The following METTL25 variants were observed in gnomAD, a reference collection of about 807,000 sequenced individuals.
The protein encoded by METTL25 is methyltransferase like 25.
METTL25 carries 64 observed loss-of-function variants against 71.6 expected under a neutral mutation model. That is an observed-to-expected ratio of 0.89 (90% confidence interval 0.73 to 1.10). METTL25 has a LOEUF of 1.10. Among genes scored for constraint, METTL25 ranks in the 50% least tolerant of loss-of-function variants. The pLI is 0.00. For missense variants in METTL25, 807 were observed against 707.0 expected, an observed-to-expected ratio of 1.14 and a Z score of -1.60; for synonymous variants, 287 against 250.3, an observed-to-expected ratio of 1.15 and a Z score of -1.38.
At chr12:82,417,906 A>G (rs1482074720) in intron 5 of METTL25, among the ~76,000 whole-genome samples, 1 of 152,170 alleles carries the variant, frequency 6.6e-6, no homozygotes. Flanking sequence ...TCTTGGAGAC[A>G]GACGGTCTTC....
intron 1 of METTL25, among the ~76,000 whole-genome samples, chr12:82,361,440 A>G (rs1881872524): frequency 6.6e-6 from 1 of 152,070 alleles, no homozygotes; most frequent in Non-Finnish European, 1.5e-5. Flanking sequence ...TGGGCGGTCG[A>G]TGGGACCAGG....
chr12:82,442,754 AT>A (rs1780833075), intron 8 of METTL25, among the ~76,000 whole-genome samples: 1 of 152,182 alleles, frequency 6.6e-6, no homozygotes, highest in African/African-American at 2.4e-5. Flanking sequence ...CTACAACTGT[AT>A]GTGATTTTAT....
intron 9 of METTL25, among the ~76,000 whole-genome samples, chr12:82,463,806 G>T (rs554090609): frequency 2.0e-5 from 3 of 151,784 alleles, no homozygotes; most frequent in Non-Finnish European, 4.4e-5. Flanking sequence ...ACCTCATTGT[G>T]GTTCTGATTT....
chr12:82,385,194 A>T (rs1216598419), intron 1 of METTL25, among the ~76,000 whole-genome samples: 1 of 152,170 alleles, frequency 6.6e-6, no homozygotes, highest in Non-Finnish European at 1.5e-5. Context: ...AAACATTACC[A>T]CCACCAGCTT....
intron 1 of METTL25, among the ~76,000 whole-genome samples, chr12:82,359,507 T>C (rs1326804996): frequency 6.6e-6 from 1 of 152,210 alleles, no homozygotes; most frequent in African/African-American, 2.4e-5. Flanking sequence ...TAATTCACAT[T>C]TGAAAAGATA....
chr12:82,467,382 CAT>C (rs1488745253), intron 9 of METTL25, among the ~76,000 whole-genome samples: 1 of 151,850 alleles, frequency 6.6e-6, no homozygotes, highest in Non-Finnish European at 1.5e-5. Flanking sequence ...TTATAGTTTT[CAT>C]GCTTTGATAA....
At chr12:82,378,818 A>G (rs931248937) in intron 1 of METTL25, among the ~76,000 whole-genome samples, 1 of 152,088 alleles carries the variant, frequency 6.6e-6, no homozygotes, top group Non-Finnish European at 1.5e-5. Flanking sequence ...GCTTGAGCTC[A>G]GGAGTTTGAG....
At chr12:82,366,566 C>T (rs1882595468) in intron 1 of METTL25, among the ~76,000 whole-genome samples, 2 of 150,828 alleles carry the variant, frequency 1.3e-5, no homozygotes, top group African/African-American at 2.4e-5. Context: ...TTTTATCAAG[C>T]TTGTCTTTAT....
rs536688135 is a variant in METTL25 at position 82,383,678 on chromosome 12, A to G, written c.260-3125A>G. On this transcript the variant is annotated intron_variant, in intron 1 of 11. Transcript: ENST00000248306. ...TTAAAGTGCTGTATAACATTCAAGT[A>G]GGATGACAGACATTTATTTTTATTT... 2.4e-4 allele frequency among the ~76,000 whole-genome samples: 36 copies of G among 152,326 alleles called. No individual in the cohort carries two copies. In the South Asian group the frequency reaches 6.8e-3, roughly 29 times the overall value.
intron 8 of METTL25, among the ~76,000 whole-genome samples, chr12:82,443,462 C>CAAA: frequency 1.0e-5 from 1 of 96,570 alleles, no homozygotes; most frequent in Non-Finnish European, 2.2e-5. Context: ...CAGAGGAGAC[C>CAAA]AAAAAAAAAA....
At chr12:82,410,481 C>G (rs551921044) in intron 5 of METTL25, among the ~76,000 whole-genome samples, 1 of 152,210 alleles carries the variant, frequency 6.6e-6, no homozygotes, top group South Asian at 2.1e-4. Context: ...CATCATTTCT[C>G]TTTTCAAAAC....
At chr12:82,378,308 G>T (rs1884086672) in intron 1 of METTL25, among the ~76,000 whole-genome samples, 1 of 152,042 alleles carries the variant, frequency 6.6e-6, no homozygotes. Flanking sequence ...CTTGAATAAT[G>T]GCCTGTAAAG....
chr12:82,394,301 C>G (rs1885885833), intron 3 of METTL25, among the ~76,000 whole-genome samples: 1 of 151,918 alleles, frequency 6.6e-6, no homozygotes, highest in African/African-American at 2.4e-5. Flanking sequence ...AAGTCCCCAA[C>G]TATTATTATA....
At chr12:82,372,636 G>A (rs916064195) in intron 1 of METTL25, among the ~76,000 whole-genome samples, 3 of 152,152 alleles carry the variant, frequency 2.0e-5, no homozygotes, top group African/African-American at 7.2e-5. Context: ...ATTGGGGCCA[G>A]GCCATAGTGC....
intron 5 of METTL25, among the ~76,000 whole-genome samples, chr12:82,418,374 T>C (rs1210596532): frequency 6.6e-6 from 1 of 152,114 alleles, no homozygotes; most frequent in South Asian, 2.1e-4. Context: ...AAAGGTGTAG[T>C]ACTAAATCAT....
intron 9 of METTL25, among the ~76,000 whole-genome samples, chr12:82,464,440 C>G (rs1052243422): frequency 1.1e-4 from 16 of 151,836 alleles, no homozygotes; most frequent in African/African-American, 3.6e-4. Context: ...GGATTTATTT[C>G]TGGGTTCTCT....
At position 82,473,078 on chromosome 12, in the gene METTL25, T is replaced by A. The variant is rs572106989; in HGVS notation, c.1573-3566T>A. Among the ~76,000 whole-genome samples, 5 of 152,038 alleles carry A rather than the reference T, an allele frequency of 3.3e-5. No homozygotes were observed. The East Asian group carries it at 7.8e-4, about 24-fold the overall frequency. ...GTAGTGTCCACATAGATTCTTCAGA[T>A]GCAGTCCATGCTAGTGGCATTCATG... is the stretch of plus-strand genomic sequence containing the variant. On this transcript the variant is annotated intron_variant, in intron 9 of 11. Coordinates refer to ENST00000248306, the MANE Select transcript of METTL25 (RefSeq NM_032230.3).
chr12:82,477,147 A>C (rs1363615997), intron 10 of METTL25, 134 bp from the exon 11 acceptor site: 2 of 481,744 alleles, frequency 4.2e-6, no homozygotes, highest in Non-Finnish European at 7.4e-6. Context: ...TTTTCTGAAG[A>C]TGTACCTGGA....
intron 9 of METTL25, among the ~76,000 whole-genome samples, chr12:82,464,323 A>G (rs755949064): frequency 6.6e-6 from 1 of 151,744 alleles, no homozygotes; most frequent in Non-Finnish European, 1.5e-5. Flanking sequence ...TTAATTCCTC[A>G]GCATATGGAT....
Sources: allele counts gnomAD v4.1 joint callset (sites outside exome capture counted in the v4.1 genomes callset), GRCh38; gene constraint gnomAD v4.1.1; transcripts MANE v1.5; gene names NCBI Gene and HGNC (gene_info 2026-07-23, HGNC 2026-07-21).